The following ANXA13 variants were observed in gnomAD, a reference collection of about 807,000 sequenced individuals.
ANXA13 encodes the protein annexin XIII.
ANXA13 carries 36 observed loss-of-function variants against 46.6 expected under a neutral mutation model. The observed-to-expected ratio is 0.77, with a 90% CI of 0.59 to 1.02. The LOEUF is 1.02. Among genes scored for constraint, ANXA13 ranks in the 50% least tolerant of loss-of-function variants. The pLI is 0.00. For missense variants in ANXA13, 417 were observed against 396.5 expected (o/e 1.05, Z -0.44); for synonymous variants, 163 against 152.9 (o/e 1.07, Z -0.49).
At chr8:123,734,303 A>C (rs530328534) in intron 1 of ANXA13, among the ~76,000 whole-genome samples, 1 of 152,338 alleles carries the variant, frequency 6.6e-6, no homozygotes, top group South Asian at 2.1e-4. Context: ...GAAAACCCAG[A>C]CAATAGAAGA....
intron 8 of ANXA13, among the ~76,000 whole-genome samples, chr8:123,692,444 C>A (rs1465353898): frequency 6.6e-6 from 1 of 152,194 alleles, no homozygotes; most frequent in Non-Finnish European, 1.5e-5. Flanking sequence ...ATATTCCACT[C>A]CAGGCGTTTT....
At chr8:123,706,181 C>T (rs1224410918) in intron 2 of ANXA13, among the ~76,000 whole-genome samples, 2 of 152,212 alleles carry the variant, frequency 1.3e-5, no homozygotes, top group East Asian at 3.8e-4. Context: ...CCTTCATTTC[C>T]TCCCGGAGCT....
intron 1 of ANXA13, among the ~76,000 whole-genome samples, chr8:123,723,556 C>T (rs746855791): frequency 2.0e-5 from 3 of 152,144 alleles, no homozygotes; most frequent in Non-Finnish European, 4.4e-5. Flanking sequence ...TGTGTGATCT[C>T]CTCCCAACTC....
intron 8 of ANXA13, among the ~76,000 whole-genome samples, chr8:123,691,568 C>T (rs951620080): frequency 6.6e-6 from 1 of 152,210 alleles, no homozygotes; most frequent in Non-Finnish European, 1.5e-5. Context: ...TCCTTATTAA[C>T]CCTATGAAGT....
intron 6 of ANXA13, among the ~76,000 whole-genome samples, chr8:123,695,108 G>A (rs1360892094): frequency 2.0e-5 from 3 of 152,104 alleles, no homozygotes; most frequent in East Asian, 3.9e-4. Context: ...GTAGAGTTGT[G>A]TTGTGGAAGC....
At chr8:123,720,657 CGT>C (rs34135339) in intron 1 of ANXA13, among the ~76,000 whole-genome samples, 23,031 of 141,294 alleles carry the variant, frequency 0.16, 2,363 homozygotes, top group African/African-American at 0.32. Flanking sequence ...CCTGTGTCCC[CGT>C]GTGTGTGTGT....
At chr8:123,700,254 A>AC (rs5894672) in intron 3 of ANXA13, among the ~76,000 whole-genome samples, 135,281 of 152,184 alleles carry the variant, frequency 0.89, 60,610 homozygotes, top group African/African-American at 0.95. Flanking sequence ...GGCATTATAT[A>AC]AGCTGCAGAG....
At chr8:123,735,869 C>T (rs373688763) in intron 1 of ANXA13, 39 of 1,605,106 alleles carry the variant, frequency 2.4e-5, no homozygotes, top group Middle Eastern at 1.7e-4. Flanking sequence ...AGAGGGTGTA[C>T]GACTGGCTCT....
At chr8:123,722,394 G>GAA (rs1554595375) in intron 1 of ANXA13, among the ~76,000 whole-genome samples, 1 of 139,642 alleles carries the variant, frequency 7.2e-6, no homozygotes, top group Non-Finnish European at 1.6e-5. Context: ...AAGAAAGAAA[G>GAA]AAAAGCTCAG....
intron 1 of ANXA13, chr8:123,735,620 C>T: frequency 8.7e-7 from 1 of 1,154,584 alleles, no homozygotes; most frequent in Non-Finnish European, 1.2e-6. Flanking sequence ...AAAGATTTCC[C>T]TGCTTGGAAG....
intron 10 of ANXA13, 48 bp downstream of exon 10, chr8:123,684,561 GA>G (rs1200880910): frequency 2.3e-6 from 3 of 1,306,174 alleles, no homozygotes; most frequent in Non-Finnish European, 3.3e-6. Context: ...ATCAGTGGTG[GA>G]AAAAAGAGAA....
At chr8:123,710,799 A>C (rs916669760) in intron 2 of ANXA13, among the ~76,000 whole-genome samples, 1 of 151,882 alleles carries the variant, frequency 6.6e-6, no homozygotes, top group African/African-American at 2.4e-5. Context: ...TTTTTGTAAG[A>C]ACTTGATGAG....
intron 8 of ANXA13, among the ~76,000 whole-genome samples, chr8:123,692,125 C>T (rs1349310666): frequency 6.6e-6 from 1 of 152,178 alleles, no homozygotes; most frequent in African/African-American, 2.4e-5. Flanking sequence ...TATCTGCTGG[C>T]AACACATAGG....
Position 123,688,888 on chromosome 8 carries a change from T to C in ANXA13, c.701A>G (p.Lys234Arg). The change falls in exon 9 of 11, where the codon AAG (lysine) becomes AGG (arginine). Residue 234 changes from lysine to arginine, a missense_variant. Physicochemically the swap from Lys to Arg is conservative, Grantham distance 26. Transcript: ENST00000419625. ...TACTTTACCGAGAGTTAAATAGGCCTTCTGCAAGTCGCCTGATGTTTCTTC... is the reference window on the plus strand; with the variant it reads ...TACTTTACCGAGAGTTAAATAGGCCCTCTGCAAGTCGCCTGATGTTTCTTC... Reference protein sequence around the residue: ...IEEETSGDLQKAYLTLVRCAQ... With the variant: ...IEEETSGDLQRAYLTLVRCAQ... The C allele has an allele frequency of 6.2e-7, 1 of 1,613,922 alleles. No homozygotes were observed.
At chr8:123,720,914 T>C (rs1813857051) in intron 1 of ANXA13, among the ~76,000 whole-genome samples, 1 of 152,082 alleles carries the variant, frequency 6.6e-6, no homozygotes, top group African/African-American at 2.4e-5. Context: ...ACAATTGACC[T>C]TAACAATTTT....
chr8:123,716,531 G>T (rs115100542), intron 1 of ANXA13, among the ~76,000 whole-genome samples: 85 of 152,218 alleles, frequency 5.6e-4, no homozygotes, highest in African/African-American at 2.0e-3. Flanking sequence ...CTTGTTCCTT[G>T]TAACAGCAGG....
intron 3 of ANXA13, among the ~76,000 whole-genome samples, chr8:123,700,696 T>A (rs1229751652): frequency 6.6e-6 from 1 of 152,144 alleles, no homozygotes; most frequent in Non-Finnish European, 1.5e-5. Context: ...TGTATCCGAT[T>A]TTTCTTTCTT....
intron 1 of ANXA13, chr8:123,728,106 G>A (rs1345494115): frequency 6.6e-6 from 1 of 152,200 alleles, no homozygotes; most frequent in Non-Finnish European, 1.5e-5. Context: ...TCTCTCTGTT[G>A]ACTCATTCTT....
At chr8:123,714,479 T>C (rs1160140923) in intron 1 of ANXA13, among the ~76,000 whole-genome samples, 2 of 152,176 alleles carry the variant, frequency 1.3e-5, no homozygotes, top group Admixed American at 6.5e-5. Context: ...AAGAATCACA[T>C]TGTACAAATC....
Sources: gnomAD v4.1 joint callset for allele counts (sites outside exome capture counted in the v4.1 genomes callset) on GRCh38, gnomAD v4.1.1 for gene constraint, MANE v1.5 for transcripts, NCBI Gene and HGNC (gene_info 2026-07-23, HGNC 2026-07-21) for gene names.